Variants in LRGUK observed in about 807,000 individuals in gnomAD.
LRGUK encodes leucine-rich repeat and guanylate kinase domain-containing protein.
Under a neutral mutation model 76.0 loss-of-function variants are expected in LRGUK, and 65 were observed. That is an observed-to-expected ratio of 0.85 (90% confidence interval 0.70 to 1.05). LRGUK has a LOEUF of 1.05. LRGUK is among the 50% of genes least tolerant of loss of function. LRGUK has a pLI of 0.00. For synonymous variants in LRGUK, 268 were observed against 265.6 expected (o/e 1.01, Z -0.09); for missense variants, 758 against 732.8 (o/e 1.03, Z -0.40).
intron 5 of LRGUK, among the ~76,000 whole-genome samples, chr7:134,149,409 G>A (rs1798112201): frequency 6.6e-6 from 1 of 152,172 alleles, no homozygotes; most frequent in Non-Finnish European, 1.5e-5. Flanking sequence ...GCCTCATTCA[G>A]GGATGTGACA....
intron 7 of LRGUK, among the ~76,000 whole-genome samples, chr7:134,167,732 A>G (rs930453490): frequency 6.6e-6 from 1 of 152,178 alleles, no homozygotes; most frequent in Non-Finnish European, 1.5e-5. Flanking sequence ...CTGGAGCTTC[A>G]TGACAGCTGG....
chr7:134,217,079 C>T (rs1261220983), intron 15 of LRGUK, among the ~76,000 whole-genome samples: 1 of 151,872 alleles, frequency 6.6e-6, no homozygotes, highest in Non-Finnish European at 1.5e-5. Flanking sequence ...CAAGTTTCCA[C>T]TCTTGAAATT....
chr7:134,209,106 C>T (rs982558848), exon 16 of LRGUK: 11 of 399,120 alleles, frequency 2.8e-5, no homozygotes, highest in Non-Finnish European at 4.4e-5. Context: ...GTTGGGCAGT[C>T]TCCCATCACC....
At chr7:134,272,200 G>A in the LRGUK span, among the ~76,000 whole-genome samples, 21,766 of 152,060 alleles carry the variant, frequency 0.14, 3,947 homozygotes, top group African/African-American at 0.42. Context: ...TAGTTTAATA[G>A]GAGTTTTACC....
rs1274478469 is a variant in LRGUK at position 134,147,307 on chromosome 7, C to T, written c.589-931C>T. 2.0e-5 allele frequency among the ~76,000 whole-genome samples: 3 copies of T among 151,572 alleles called. No homozygotes were observed. The East Asian group carries it at 5.8e-4, about 29-fold the overall frequency. On this transcript the variant is annotated intron_variant, in intron 4 of 15. Coordinates refer to ENST00000645682, the Ensembl canonical transcript of LRGUK. Reference sequence around the variant, plus strand: ...CAAAAAACCCGGGTGTGGTGGCACACGTCTATAGTCCCAGCTGCTCAGAAG... The same window carrying T: ...CAAAAAACCCGGGTGTGGTGGCACATGTCTATAGTCCCAGCTGCTCAGAAG...
At position 134,127,671 on chromosome 7, in the gene LRGUK, C is replaced by T; in HGVS notation, c.297+7C>T. 1 of 1,609,020 alleles carries T rather than the reference C, an allele frequency of 6.2e-7. No homozygotes were observed. Among genetic ancestry groups the T allele is most frequent in the Non-Finnish European group, 8.5e-7 (1 of 1,177,490 alleles). ...CGAAATGCTGAATTTGGAGGTGTGT[C>T]TTCCCCCCCACCCCGTACTCCCTGG... On this transcript the variant is annotated splice_region_variant and intron_variant, in intron 1 of 15. Coordinates refer to ENST00000645682, the Ensembl canonical transcript of LRGUK.
intron 14 of LRGUK, among the ~76,000 whole-genome samples, chr7:134,199,729 A>C (rs540013694): frequency 6.6e-6 from 1 of 151,866 alleles, no homozygotes; most frequent in Non-Finnish European, 1.5e-5. Flanking sequence ...TACACATTTA[A>C]ATTTCTAGAA....
intron 12 of LRGUK, among the ~76,000 whole-genome samples, chr7:134,192,614 G>A (rs991417155): frequency 3.4e-4 from 52 of 151,996 alleles, no homozygotes; most frequent in African/African-American, 1.1e-3. Flanking sequence ...CATAATCCTC[G>A]CATGTTTTAT....
Position 134,247,758 on chromosome 7 carries a change from G to T in LRGUK, c.2072+114G>T, listed in dbSNP as rs1802344374. 5.8e-6 allele frequency: 4 copies of T among 685,602 alleles called. No homozygotes were observed. The Admixed American group carries it at 8.5e-5, about 15-fold the overall frequency. 42.5% of individuals were successfully genotyped at this position (685,602 alleles called of 1,614,324 possible). On this transcript the variant is annotated intron_variant, in intron 17 of 19. Transcript: ENST00000285928. Reference sequence around the variant, plus strand: ...ACCTCTGTCCTAAAATGGACCCAGTGTTTCAGCAGTAAAAGCAGTTCTAGA... The same window carrying T: ...ACCTCTGTCCTAAAATGGACCCAGTTTTTCAGCAGTAAAAGCAGTTCTAGA...
intron 5 of LRGUK, among the ~76,000 whole-genome samples, chr7:134,156,549 AGTTCTTGGTAC>A (rs1798468034): frequency 6.6e-6 from 1 of 152,228 alleles, no homozygotes; most frequent in South Asian, 2.1e-4. Context: ...AGAAAAAGAA[AGTTCTTGGTAC>A]ATTCCAGAAC....
chr7:134,159,862 T>TA (rs1798648522), intron 6 of LRGUK, among the ~76,000 whole-genome samples: 1 of 152,152 alleles, frequency 6.6e-6, no homozygotes, highest in Non-Finnish European at 1.5e-5. Context: ...CAGGATAAAG[T>TA]ATTGGCATCC....
intron 10 of LRGUK, among the ~76,000 whole-genome samples, chr7:134,178,933 A>AAAAAAAAAAAAAAAAAAC (rs1228638281): frequency 6.5e-3 from 88 of 13,582 alleles, no homozygotes; most frequent in South Asian, 0.011. Flanking sequence ...TCTCAAAAAA[A>AAAAAAAAAAAAAAAAAAC]AAAAAAAAAA....
chr7:134,261,921 C>G (rs1802737029), intron 19 of LRGUK, among the ~76,000 whole-genome samples: 1 of 152,102 alleles, frequency 6.6e-6, no homozygotes, highest in Admixed American at 6.6e-5. Context: ...CCGATTTGGC[C>G]TATGTGCCAT....
At chr7:134,152,636 G>A (rs1798270012) in intron 5 of LRGUK, among the ~76,000 whole-genome samples, 2 of 151,928 alleles carry the variant, frequency 1.3e-5, no homozygotes, top group Admixed American at 6.6e-5. Flanking sequence ...CCTTGTTTGT[G>A]GGTATGAAAT....
chr7:134,260,515 C>T (rs765931292), intron 19 of LRGUK, among the ~76,000 whole-genome samples: 1 of 152,134 alleles, frequency 6.6e-6, no homozygotes, highest in Non-Finnish European at 1.5e-5. Context: ...TAATTAGTGG[C>T]GTGTGTTCTA....
intron 4 of LRGUK, 56 bp from the exon 5 acceptor site, chr7:134,148,182 G>A (rs937508321): frequency 7.1e-6 from 8 of 1,121,576 alleles, no homozygotes; most frequent in Middle Eastern, 2.1e-4. Flanking sequence ...TAATTATTGT[G>A]GCAAACATGA....
intron 2 of LRGUK, among the ~76,000 whole-genome samples, chr7:134,138,942 G>T (rs1364098153): frequency 6.6e-6 from 1 of 152,122 alleles, no homozygotes; most frequent in Non-Finnish European, 1.5e-5. Context: ...GATTTCACAG[G>T]TGTGTTTGAT....
downstream of LRGUK, among the ~76,000 whole-genome samples, chr7:134,211,462 G>A (rs906294204): frequency 6.6e-6 from 1 of 152,212 alleles, no homozygotes; most frequent in African/African-American, 2.4e-5. Context: ...GGAAGACTTT[G>A]CTGTTCCTGG....
the LRGUK span, among the ~76,000 whole-genome samples, chr7:134,275,285 C>T: frequency 6.6e-6 from 1 of 152,026 alleles, no homozygotes; most frequent in Non-Finnish European, 1.5e-5. Flanking sequence ...TCTCTCTGAA[C>T]TTTTTAGTAA....
Sources: gnomAD v4.1 joint callset for allele counts (sites outside exome capture counted in the v4.1 genomes callset) on GRCh38, gnomAD v4.1.1 for gene constraint, MANE v1.5 for transcripts, NCBI Gene and HGNC (gene_info 2026-07-23, HGNC 2026-07-21) for gene names.